The following NEUROD4 variants were observed in gnomAD, a reference collection of about 807,000 sequenced individuals.
NEUROD4 encodes the protein neurogenic differentiation factor 4.
NEUROD4 carries 16 observed loss-of-function variants against 19.8 expected under a neutral mutation model. That is an observed-to-expected ratio of 0.81 (90% CI 0.55 to 1.23). The LOEUF is 1.23. Among genes scored for constraint, NEUROD4 ranks in the 50% most tolerant of loss-of-function variants. The probability of loss-of-function intolerance (pLI) is 0.00; values close to 1 mark genes in which losing one functional copy is unlikely to be tolerated. For missense variants in NEUROD4, 439 were observed against 398.6 expected (o/e 1.10, Z -0.86); for synonymous variants, 153 against 147.9 (o/e 1.03, Z -0.25).
chr12:55,027,149 T>C lies in NEUROD4; in HGVS notation c.710T>C (p.Phe237Ser), dbSNP rs1952743329. Residue 237 changes from phenylalanine (F) to serine (S), a missense_variant, in exon 2 of 2, where the codon TTT (phenylalanine) becomes TCT (serine). Phe to Ser is a radical substitution (Grantham distance 155). Transcript: ENST00000242994. ...QVFKSLGESS[F>S]GSHLPDCSTP... The stretch of plus-strand genomic sequence containing the variant: ...TTCAAGAGTTTGGGAGAATCGTCCT[T>C]TGGGAGCCATCTGCCTGACTGCAGT... 1 of 1,614,174 alleles carries C rather than the reference T, an allele frequency of 6.2e-7. No individual in the cohort carries two copies. Among genetic ancestry groups the C allele is most frequent in the Non-Finnish European group, 8.5e-7 (1 of 1,180,018 alleles).
intron 1 of NEUROD4, among the ~76,000 whole-genome samples, chr12:55,025,723 T>C (rs896351806): frequency 5.9e-5 from 9 of 152,138 alleles, no homozygotes; most frequent in African/African-American, 2.2e-4. Context: ...GACCAGCCAG[T>C]GAGAGTAATG....
Position 55,026,542 on chromosome 12 carries a change from G to A in NEUROD4, c.103G>A (p.Glu35Lys). ...LGSQNEVKEE[E>K]SRPGTYGMLS... is the part of the protein sequence containing the mutation. Reference sequence around the variant, plus strand: ...CTCCCAAAATGAGGTGAAGGAGGAAGAGAGCAGACCAGGTACTTATGGGAT... The same window carrying A: ...CTCCCAAAATGAGGTGAAGGAGGAAAAGAGCAGACCAGGTACTTATGGGAT... Residue 35 changes from glutamate (E) to lysine (K), a missense_variant, in exon 2 of 2, where the codon GAG (glutamate) becomes AAG (lysine). Transcript: ENST00000242994. 3 of 1,613,470 alleles carry A rather than the reference G, an allele frequency of 1.9e-6. No individual in the cohort carries two copies. The highest frequency in any genetic ancestry group is 1.7e-4 in the Middle Eastern group (1 of 6,060).
At chr12:55,020,568 A>G (rs1386173300) in intron 1 of NEUROD4, among the ~76,000 whole-genome samples, 16 of 152,214 alleles carry the variant, frequency 1.1e-4, no homozygotes, top group Non-Finnish European at 2.9e-5. Flanking sequence ...CATTTTAATA[A>G]AGTGAAGAAT....
Position 55,026,789 on chromosome 12 carries a change from A to G in NEUROD4, c.350A>G (p.Tyr117Cys). 6.2e-7 allele frequency: 1 copy of G among 1,614,078 alleles called. No individual in the cohort carries two copies. Among genetic ancestry groups the G allele is most frequent in the Non-Finnish European group, 8.5e-7 (1 of 1,179,998 alleles). ...LDNLRRVMPC[Y>C]SKTQKLSKIE... ...AACCTGAGGCGAGTCATGCCATGCT[A>G]CTCTAAAACCCAAAAACTTTCCAAG... Residue 117 changes from tyrosine to cysteine, a missense_variant, in exon 2 of 2, where the codon TAC becomes TGC. Physicochemically the swap from Tyr to Cys is radical, Grantham distance 194. Transcript: ENST00000242994.
At chr12:55,023,088 A>G (rs1952686119) in intron 1 of NEUROD4, among the ~76,000 whole-genome samples, 1 of 152,104 alleles carries the variant, frequency 6.6e-6, no homozygotes, top group African/African-American at 2.4e-5. Flanking sequence ...TCTCATTTTA[A>G]GGAGAAGGAG....
Position 55,027,298 on chromosome 12 carries a change from A to C in NEUROD4, c.859A>C (p.Ser287Arg). Residue 287 changes from serine (S) to arginine (R), a missense_variant, in exon 2 of 2, where the codon AGT (serine) becomes CGT (arginine). By Grantham distance (110) the Ser-to-Arg change is moderately radical (BLOSUM62 -1). Coordinates refer to ENST00000242994, the MANE Select transcript of NEUROD4 (RefSeq NM_021191.3). ...YSFMPHYPSS[S>R]LSSGHVHSTP... The stretch of plus-strand genomic sequence containing the variant: ...CTTCATGCCACATTACCCTTCTTCA[A>C]GTCTAAGCTCAGGGCATGTGCATTC... The C allele has an allele frequency of 6.2e-7, 1 of 1,614,096 alleles. No homozygotes were observed. The highest frequency in any genetic ancestry group is 1.7e-5 in the Admixed American group (1 of 60,014).
rs1952758525 is a variant in NEUROD4, at chr12:55,028,516, A to C, written c.*1081A>C. Reference sequence around the variant, plus strand: ...AAAACCAATGGATTTTTTTTTAAGCAAGATGAATTTCATTTGGTTAAACGT... The same window carrying C: ...AAAACCAATGGATTTTTTTTTAAGCCAGATGAATTTCATTTGGTTAAACGT... On this transcript the variant is annotated 3_prime_UTR_variant, in exon 2 of 2. Transcript: ENST00000242994. The C allele has an allele frequency of 6.0e-6, 1 of 167,056 alleles. No individual in the cohort carries two copies. The highest frequency in any genetic ancestry group is 2.4e-5 in the African/African-American group (1 of 41,440). 10.3% of individuals were successfully genotyped at this position (167,056 alleles called of 1,614,324 possible). A position where few individuals can be genotyped will look rare whatever the true frequency, so the allele number is the denominator to read the frequency against.
At chr12:55,026,203 A>T (rs1952726234) in intron 1 of NEUROD4, among the ~76,000 whole-genome samples, 1 of 152,148 alleles carries the variant, frequency 6.6e-6, no homozygotes, top group South Asian at 2.1e-4. Context: ...ATCTAAGAAT[A>T]AAAACAGGCA....
Position 55,026,461 on chromosome 12 carries a change from T to A in NEUROD4, c.22T>A (p.Ser8Thr). The stretch of plus-strand genomic sequence containing the variant: ...GGAAATGTCAAAAACTTTTGTAAAA[T>A]CCAAGGAGATGGGAGAGCTAGTCAA... MSKTFVKSKEMGELVNTP... is the reference protein window; with the variant it reads MSKTFVKTKEMGELVNTP... Residue 8 changes from serine to threonine, a missense_variant, in exon 2 of 2, where the codon TCC becomes ACC. Physicochemically the swap from Ser to Thr is moderately conservative, Grantham distance 58. Coordinates refer to ENST00000242994, the MANE Select transcript of NEUROD4 (RefSeq NM_021191.3). The A allele has an allele frequency of 6.2e-7, 1 of 1,608,360 alleles. No homozygotes were observed. Among genetic ancestry groups the A allele is most frequent in the Non-Finnish European group, 8.5e-7 (1 of 1,177,922 alleles).
intron 1 of NEUROD4, 70 bp from the exon 2 acceptor site, chr12:55,026,361 A>T: frequency 7.4e-7 from 1 of 1,342,404 alleles, no homozygotes; most frequent in Non-Finnish European, 1.0e-6. Context: ...ATAATTACAT[A>T]TAAAAAACTT....
intron 1 of NEUROD4, among the ~76,000 whole-genome samples, chr12:55,023,773 T>C (rs1330697983): frequency 6.6e-6 from 1 of 152,204 alleles, no homozygotes; most frequent in Non-Finnish European, 1.5e-5. Context: ...TTTCATTACT[T>C]TGGCCAAAGC....
intron 1 of NEUROD4, among the ~76,000 whole-genome samples, chr12:55,021,271 A>G (rs1405728532): frequency 6.6e-6 from 1 of 152,198 alleles, no homozygotes; most frequent in Admixed American, 6.5e-5. Context: ...CAAGCAGTAC[A>G]ACTTGTGAAC....
intron 1 of NEUROD4, among the ~76,000 whole-genome samples, chr12:55,025,051 T>A (rs1243534770): frequency 6.6e-6 from 1 of 152,218 alleles, no homozygotes; most frequent in Non-Finnish European, 1.5e-5. Flanking sequence ...TAAAAGGTGA[T>A]AGTGGGTTTA....
Position 55,027,604 on chromosome 12 carries a change from C to T in NEUROD4, c.*169C>T, listed in dbSNP as rs1446957513. The T allele has an allele frequency of 4.7e-6, 3 of 633,084 alleles. No individual in the cohort carries two copies. In the East Asian group the frequency reaches 8.1e-5, roughly 17 times the overall value. The allele number at this position is 633,084 out of a possible 1,614,324, so 39.2% of individuals were successfully genotyped here. On this transcript the variant is annotated 3_prime_UTR_variant, in exon 2 of 2. Coordinates refer to ENST00000242994, the MANE Select transcript of NEUROD4 (RefSeq NM_021191.3). ...CTATCACCTCTTTTCTCATCACCTT[C>T]TCACATTGCATTGATTTCTTTATAG...
rs1447832558 is a variant in NEUROD4 at position 55,028,763 on chromosome 12, C to T, written c.*1328C>T. ...AACTTAAGGATGCAGAAATGAAATCCAAGGTTGGTGAATATTTTTACCAAC... is the reference window on the plus strand; with the variant it reads ...AACTTAAGGATGCAGAAATGAAATCTAAGGTTGGTGAATATTTTTACCAAC... On this transcript the variant is annotated 3_prime_UTR_variant, in exon 2 of 2. Coordinates refer to ENST00000242994, the MANE Select transcript of NEUROD4 (RefSeq NM_021191.3). The T allele has an allele frequency of 1.8e-5, 3 of 166,828 alleles. No homozygotes were observed. Among genetic ancestry groups the T allele is most frequent in the African/African-American group, 7.3e-5 (3 of 41,240 alleles). The allele number at this position is 166,828 out of a possible 1,614,324, so 10.3% of individuals were successfully genotyped here.
At chr12:55,026,163 T>C (rs1952725808) in intron 1 of NEUROD4, among the ~76,000 whole-genome samples, 1 of 151,762 alleles carries the variant, frequency 6.6e-6, no homozygotes, top group South Asian at 2.1e-4. Flanking sequence ...ATATCAGTCA[T>C]TTTTGTATAA....
intron 1 of NEUROD4, among the ~76,000 whole-genome samples, chr12:55,022,312 C>CACAG: frequency 6.6e-6 from 1 of 152,184 alleles, no homozygotes; most frequent in Non-Finnish European, 1.5e-5. Context: ...GTTCTGGAGA[C>CACAG]AACCCTTGGT....
At chr12:55,023,537 A>G (rs1297907692) in intron 1 of NEUROD4, among the ~76,000 whole-genome samples, 4 of 152,214 alleles carry the variant, frequency 2.6e-5, no homozygotes, top group Admixed American at 6.5e-5. Flanking sequence ...ATAACTTTAT[A>G]TAATGTGTTT....
Position 55,021,044 on chromosome 12 carries a change from A to C in NEUROD4, c.-10+731A>C, listed in dbSNP as rs149475470. Among the ~76,000 whole-genome samples the C allele has an allele frequency of 1.2e-4, 18 of 152,316 alleles. No homozygotes were observed. In the East Asian group the frequency reaches 3.1e-3, roughly 26 times the overall value. On this transcript the variant is annotated intron_variant, in intron 1 of 1. Transcript: ENST00000242994. ...CCCATTTTTTTGACAGAGGAAGCAG[A>C]GGTGAAATGCTGAAGAACATGCAGG...
Sources: allele counts gnomAD v4.1 joint callset (sites outside exome capture counted in the v4.1 genomes callset), GRCh38; gene constraint gnomAD v4.1.1; transcripts MANE v1.5; gene names NCBI Gene and HGNC (gene_info 2026-07-23, HGNC 2026-07-21).